The following MGAT4C variants were observed in gnomAD, a reference collection of about 807,000 sequenced individuals.
MGAT4C encodes the protein MGAT4 family member C, also known as alpha-1,3-mannosyl-glycoprotein 4-beta-N-acetylglucosaminyltransferase C.
MGAT4C carries 19 observed loss-of-function variants against 40.1 expected under a neutral mutation model. The ratio of observed to expected loss-of-function variants is 0.47; its 90% CI spans 0.33 to 0.70. MGAT4C has a LOEUF of 0.70. Ranked by LOEUF, MGAT4C falls within the 30% of genes least tolerant of loss-of-function variation. MGAT4C has a pLI of 0.02. For synonymous variants in MGAT4C, 181 were observed against 187.1 expected (o/e 0.97, Z 0.27); for missense variants, 491 against 563.2 (o/e 0.87, Z 1.30).
chr12:86,280,496 C>A (rs1032529199), intron 4 of MGAT4C, among the ~76,000 whole-genome samples: 2 of 151,862 alleles, frequency 1.3e-5, no homozygotes, highest in African/African-American at 4.8e-5. Context: ...AGATCCATGG[C>A]CTACCATTTC....
At chr12:86,497,507 C>T (rs1452758147) in intron 2 of MGAT4C, among the ~76,000 whole-genome samples, 3 of 151,634 alleles carry the variant, frequency 2.0e-5, no homozygotes, top group African/African-American at 7.3e-5. Context: ...TCCTCTTTAC[C>T]AGAAATGGAT....
In MGAT4C at chr12:85,957,607, T is replaced by C. The variant is rs1175715804; in HGVS notation, c.*21682A>G. On this transcript the variant is annotated 3_prime_UTR_variant, in exon 5 of 5. Transcript: ENST00000611864. ...GCTATGGCTGAAGATAGCTCTGTTA[T>C]GTCAAATAAAACCACAGATTTTCTT... 2.9e-5 allele frequency: 4 copies of C among 136,990 alleles called. No individual in the cohort carries two copies. Among genetic ancestry groups the C allele is most frequent in the Non-Finnish European group, 6.2e-5 (4 of 64,188 alleles). The allele number at this position is 136,990 out of a possible 1,614,324, so 8.5% of individuals were successfully genotyped here. A position where few individuals can be genotyped will look rare whatever the true frequency, so the allele number is the denominator to read the frequency against.
chr12:86,795,393 G>T (rs568119818), intron 1 of MGAT4C, among the ~76,000 whole-genome samples: 1 of 151,872 alleles, frequency 6.6e-6, no homozygotes, highest in Non-Finnish European at 1.5e-5. Context: ...TGCCCATATT[G>T]CCATTCCCAA....
chr12:86,671,002 A>G (rs1273596234), intron 2 of MGAT4C, among the ~76,000 whole-genome samples: 1 of 152,242 alleles, frequency 6.6e-6, no homozygotes, highest in Non-Finnish European at 1.5e-5. Context: ...CATTCTATTT[A>G]TACCATTCTA....
At chr12:86,222,329 C>A (rs1055864157) in intron 1 of MGAT4C, among the ~76,000 whole-genome samples, 1 of 152,130 alleles carries the variant, frequency 6.6e-6, no homozygotes, top group Admixed American at 6.5e-5. Flanking sequence ...AAACAATGAG[C>A]TTTAGTTAAC....
chr12:86,499,162 A>T (rs1381490237), intron 2 of MGAT4C, among the ~76,000 whole-genome samples: 1 of 151,896 alleles, frequency 6.6e-6, no homozygotes. Context: ...ATAAGCCTTC[A>T]TTGACAGTGG....
At chr12:86,763,994 G>A (rs990035051) in intron 1 of MGAT4C, among the ~76,000 whole-genome samples, 1 of 152,138 alleles carries the variant, frequency 6.6e-6, no homozygotes, top group African/African-American at 2.4e-5. Context: ...TATCACTAGG[G>A]AGTGCCAGAC....
chr12:86,127,547 C>T (rs963028383), intron 1 of MGAT4C, among the ~76,000 whole-genome samples: 3 of 151,590 alleles, frequency 2.0e-5, no homozygotes, highest in Non-Finnish European at 4.4e-5. Context: ...ATTACTTCAA[C>T]TTATCTTATA....
intron 2 of MGAT4C, among the ~76,000 whole-genome samples, chr12:86,722,162 G>C (rs145993385): frequency 1.8e-3 from 273 of 152,214 alleles, no homozygotes; most frequent in African/African-American, 6.1e-3. Flanking sequence ...AAGAACTAGA[G>C]AAATGAGGAT....
At chr12:86,589,842 T>A (rs1006865763) in intron 2 of MGAT4C, among the ~76,000 whole-genome samples, 4 of 151,972 alleles carry the variant, frequency 2.6e-5, no homozygotes, top group African/African-American at 7.2e-5. Flanking sequence ...TTTAAAGCAA[T>A]ATTACTTGGA....
chr12:86,405,690 A>T (rs1007338109), intron 3 of MGAT4C, among the ~76,000 whole-genome samples: 2 of 151,780 alleles, frequency 1.3e-5, no homozygotes, highest in Non-Finnish European at 2.9e-5. Context: ...AGGTAGAATC[A>T]GTCTAACTGA....
intron 3 of MGAT4C, among the ~76,000 whole-genome samples, chr12:86,376,659 T>C (rs1955827434): frequency 6.6e-6 from 1 of 151,758 alleles, no homozygotes; most frequent in Admixed American, 6.6e-5. Flanking sequence ...TAAGAAAACA[T>C]AAGTATTTAA....
chr12:86,378,111 G>C (rs575742013), intron 3 of MGAT4C, among the ~76,000 whole-genome samples: 1 of 152,158 alleles, frequency 6.6e-6, no homozygotes, highest in East Asian at 1.9e-4. Context: ...TCTGTTAATA[G>C]ATATTTTGCT....
At chr12:86,815,308 T>G (rs1952579252) in intron 1 of MGAT4C, among the ~76,000 whole-genome samples, 1 of 151,906 alleles carries the variant, frequency 6.6e-6, no homozygotes. Flanking sequence ...ACCGCCTTGC[T>G]CCTGTAAGAA....
intron 2 of MGAT4C, among the ~76,000 whole-genome samples, chr12:86,036,141 C>A (rs905942925): frequency 1.3e-5 from 2 of 150,080 alleles, no homozygotes; most frequent in African/African-American, 4.8e-5. Flanking sequence ...CTGGGGATAG[C>A]ATCGAATCTA....
intron 1 of MGAT4C, among the ~76,000 whole-genome samples, chr12:86,781,517 T>G (rs1951840367): frequency 6.6e-6 from 1 of 152,152 alleles, no homozygotes; most frequent in Non-Finnish European, 1.5e-5. Flanking sequence ...AGGTGAATTG[T>G]GAAGTGCTAT....
At chr12:86,750,917 T>C (rs1951222855) in intron 1 of MGAT4C, among the ~76,000 whole-genome samples, 1 of 151,908 alleles carries the variant, frequency 6.6e-6, no homozygotes, top group Admixed American at 6.6e-5. Flanking sequence ...GGGTAAACTT[T>C]AAGGAGTATG....
chr12:86,768,650 G>A (rs1189778283), intron 1 of MGAT4C, among the ~76,000 whole-genome samples: 9 of 151,958 alleles, frequency 5.9e-5, no homozygotes, highest in African/African-American at 1.9e-4. Context: ...AAACAGCATG[G>A]TACTGGTACC....
intron 1 of MGAT4C, among the ~76,000 whole-genome samples, chr12:86,170,185 C>T (rs1886660916): frequency 6.6e-6 from 1 of 152,188 alleles, no homozygotes; most frequent in Non-Finnish European, 1.5e-5. Flanking sequence ...TCGTGACCCA[C>T]TTTTAGTGCT....
Sources: allele counts gnomAD v4.1 joint callset (sites outside exome capture counted in the v4.1 genomes callset), GRCh38; gene constraint gnomAD v4.1.1; transcripts MANE v1.5; gene names NCBI Gene and HGNC (gene_info 2026-07-23, HGNC 2026-07-21).